The following GABPB1 variants were observed in gnomAD, a reference collection of about 807,000 sequenced individuals.
GABPB1 encodes GA binding protein transcription factor subunit beta 1.
Under a neutral mutation model 45.9 loss-of-function variants are expected in GABPB1, and 15 were observed. That is an observed-to-expected ratio of 0.33 (90% CI 0.22 to 0.50). The LOEUF is 0.50. Among genes scored for constraint, GABPB1 ranks in the 20% least tolerant of loss-of-function variants. The probability of loss-of-function intolerance (pLI) is 0.98; values close to 1 mark genes in which losing one functional copy is unlikely to be tolerated. For synonymous variants in GABPB1, 143 were observed against 154.4 expected, an observed-to-expected ratio of 0.93 and a Z score of 0.55; for missense variants, 252 against 457.5, an observed-to-expected ratio of 0.55 and a Z score of 4.10.
At chr15:50,329,401 T>C (rs2047876087) in intron 1 of GABPB1, among the ~76,000 whole-genome samples, 1 of 152,226 alleles carries the variant, frequency 6.6e-6, no homozygotes, top group Admixed American at 6.5e-5. Context: ...CTTGTATCTC[T>C]ATTGATTCGT....
intron 2 of GABPB1, among the ~76,000 whole-genome samples, chr15:50,308,005 CA>C (rs1448524587): frequency 6.6e-6 from 1 of 151,812 alleles, no homozygotes; most frequent in African/African-American, 2.4e-5. Context: ...TAGTCTGGAT[CA>C]TTTTTTTTTT....
intron 3 of GABPB1, 44 bp downstream of exon 3, chr15:50,303,922 C>A (rs1275006537): frequency 1.4e-6 from 2 of 1,465,392 alleles, no homozygotes; most frequent in Non-Finnish European, 1.8e-6. Context: ...TCTTATAAAA[C>A]CGTAAAGTAT....
chr15:50,303,406 G>A (rs533403993), intron 3 of GABPB1, among the ~76,000 whole-genome samples: 2 of 152,000 alleles, frequency 1.3e-5, no homozygotes, highest in Admixed American at 6.6e-5. Flanking sequence ...ATTAAGGGCC[G>A]GACATGGTGG....
chr15:50,290,353 G>A (rs1014620394), intron 6 of GABPB1, among the ~76,000 whole-genome samples: 1 of 152,178 alleles, frequency 6.6e-6, no homozygotes, highest in African/African-American at 2.4e-5. Context: ...CACTTTGAGA[G>A]GCTGAGGCGG....
intron 1 of GABPB1, among the ~76,000 whole-genome samples, chr15:50,324,944 G>A (rs147688173): frequency 6.6e-6 from 1 of 152,208 alleles, no homozygotes; most frequent in African/African-American, 2.4e-5. Flanking sequence ...GGCTCCTTGG[G>A]GAGACTGTGG....
intron 1 of GABPB1, among the ~76,000 whole-genome samples, chr15:50,320,294 A>G (rs1487097038): frequency 6.6e-6 from 1 of 152,110 alleles, no homozygotes; most frequent in Middle Eastern, 3.2e-3. Flanking sequence ...CAGCCTCCCA[A>G]GTAGCTGGGA....
intron 6 of GABPB1, among the ~76,000 whole-genome samples, chr15:50,299,645 C>T (rs1048570531): frequency 3.3e-5 from 5 of 152,066 alleles, no homozygotes; most frequent in East Asian, 3.9e-4. Context: ...GTGATCCACC[C>T]GCCTCAGCCT....
intron 1 of GABPB1, among the ~76,000 whole-genome samples, chr15:50,319,467 T>A (rs1025693575): frequency 6.6e-6 from 1 of 152,150 alleles, no homozygotes. Flanking sequence ...TAGTGTCTAT[T>A]ATCCCCCTCC....
At chr15:50,337,455 T>A (rs577438596) in intron 1 of GABPB1, among the ~76,000 whole-genome samples, 4 of 152,062 alleles carry the variant, frequency 2.6e-5, no homozygotes, top group Admixed American at 2.6e-4. Context: ...GGTTAAAAGT[T>A]TTGAATCTCA....
At chr15:50,328,671 A>G (rs1001825715) in intron 1 of GABPB1, among the ~76,000 whole-genome samples, 8 of 152,222 alleles carry the variant, frequency 5.3e-5, no homozygotes, top group South Asian at 2.1e-4. Flanking sequence ...CTTGAGGCCA[A>G]CTAGAAATCT....
chr15:50,300,429 GTTTTTGGTTTTTTTTTT>G (rs1483459458), intron 6 of GABPB1, among the ~76,000 whole-genome samples: 12 of 72,176 alleles, frequency 1.7e-4, no homozygotes, highest in Admixed American at 4.0e-4. Flanking sequence ...ATCTGCAACT[GTTTTTGGTTTTTTTTTT>G]TTTTTTTTTT....
intron 1 of GABPB1, among the ~76,000 whole-genome samples, chr15:50,337,095 A>G (rs1228713657): frequency 7.1e-4 from 3 of 4,242 alleles, no homozygotes; most frequent in Admixed American, 2.8e-3. Context: ...ATATATATAT[A>G]TATATATATA....
chr15:50,297,218 CT>C (rs997091940), intron 6 of GABPB1, among the ~76,000 whole-genome samples: 62 of 40,200 alleles, frequency 1.5e-3, no homozygotes, highest in Admixed American at 1.9e-3. Context: ...CCCATTACTT[CT>C]TTTTTTTTTT....
intron 1 of GABPB1, among the ~76,000 whole-genome samples, chr15:50,334,495 TC>T (rs2048049212): frequency 6.6e-6 from 1 of 150,748 alleles, no homozygotes; most frequent in South Asian, 2.1e-4. Context: ...TTTATCTTTT[TC>T]TTTTTTTCCT....
chr15:50,339,997 C>T (rs2048292810), intron 1 of GABPB1, among the ~76,000 whole-genome samples: 1 of 152,188 alleles, frequency 6.6e-6, no homozygotes, highest in Non-Finnish European at 1.5e-5. Context: ...ACAAAATTAA[C>T]ATGTTGAAAT....
At chr15:50,303,905 C>A in intron 3 of GABPB1, 61 bp downstream of exon 3, 3 of 1,340,482 alleles carry the variant, frequency 2.2e-6, no homozygotes, top group South Asian at 1.6e-5. Context: ...AACTAGTTCC[C>A]TCTCCTTCTT....
At chr15:50,353,260 A>G (rs1364352630) in intron 1 of GABPB1, 1 of 152,232 alleles carries the variant, frequency 6.6e-6, no homozygotes, top group Admixed American at 6.5e-5. Flanking sequence ...AACTTTTAAA[A>G]AAGTTAGAGC....
chr15:50,323,360 T>C (rs746242420), intron 1 of GABPB1, among the ~76,000 whole-genome samples: 1 of 152,032 alleles, frequency 6.6e-6, no homozygotes, highest in Non-Finnish European at 1.5e-5. Flanking sequence ...TCATAATTAA[T>C]AGAATGCACT....
rs1008973386 is a variant in GABPB1 at position 50,277,011 on chromosome 15, ACT to A, written c.*1619_*1620del. 5 of 152,016 alleles carry A rather than the reference ACT, an allele frequency of 3.3e-5. No homozygotes were observed. Among genetic ancestry groups the A allele is most frequent in the Non-Finnish European group, 7.4e-5 (5 of 67,968 alleles). 9.4% of individuals were successfully genotyped at this position (152,016 alleles called of 1,614,324 possible). ...TACAGAGTTCTTCAATTTGCCCTAA[ACT>A]CTTTTTTAAGTGCTTCCAATAGTAA... is the stretch of plus-strand genomic sequence containing the variant. On this transcript the variant is annotated 3_prime_UTR_variant, in exon 9 of 9. Transcript: ENST00000380877.
Sources: gnomAD v4.1 joint callset for allele counts (sites outside exome capture counted in the v4.1 genomes callset) on GRCh38, gnomAD v4.1.1 for gene constraint, MANE v1.5 for transcripts, NCBI Gene and HGNC (gene_info 2026-07-23, HGNC 2026-07-21) for gene names.